The following CTDNEP1 variants were observed in gnomAD, a reference collection of about 807,000 sequenced individuals.
The protein encoded by CTDNEP1 is C-terminal domain nuclear envelope phosphatase 1.
Under a neutral mutation model 30.1 loss-of-function variants are expected in CTDNEP1, and 3 were observed. The ratio of observed to expected loss-of-function variants is 0.10; its 90% confidence interval spans 0.05 to 0.26. The LOEUF is 0.26. CTDNEP1 is among the 10% of genes least tolerant of loss of function. CTDNEP1 has a pLI of 1.00. For missense variants in CTDNEP1, 158 were observed against 310.4 expected, an observed-to-expected ratio of 0.51 and a Z score of 3.69; for synonymous variants, 123 against 118.8, an observed-to-expected ratio of 1.04 and a Z score of -0.23.
At position 7,246,890 on chromosome 17, in the gene CTDNEP1, A is replaced by AT; in HGVS notation, c.289-29dup. 6.3e-7 allele frequency: 1 copy of AT among 1,599,512 alleles called. No individual in the cohort carries two copies. Among genetic ancestry groups the AT allele is most frequent in the Non-Finnish European group, 8.6e-7 (1 of 1,166,972 alleles). ...ACAGAGGAACAAGATGGGCTGGGGG[A>AT]TGTCATGACCACCACAACCCAGGCC... is the stretch of plus-strand genomic sequence containing the variant. On this transcript the variant is annotated intron_variant, in intron 3 of 7. Coordinates refer to ENST00000574322, the MANE Select transcript of CTDNEP1 (RefSeq NM_001143775.2). The surrounding 1 kb of genome is among the most constrained non-coding windows in gnomAD (Gnocchi z 4.9).
Position 7,247,255 on chromosome 17 carries a change from A to T in CTDNEP1, c.169+22T>A, listed in dbSNP as rs73235891. 3 of 1,613,104 alleles carry T rather than the reference A, an allele frequency of 1.9e-6. No homozygotes were observed. The African/African-American group carries it at 4.0e-5, about 22-fold the overall frequency. On this transcript the variant is annotated intron_variant, in intron 2 of 7. Coordinates refer to ENST00000574322, the MANE Select transcript of CTDNEP1 (RefSeq NM_001143775.2). ...GCTAGCCCCTACTTCACCCTAAAGG[A>T]GGCTTCCCACCACATACTTACCTAG... is the stretch of plus-strand genomic sequence containing the variant.
chr17:7,244,617 T>C lies in CTDNEP1; in HGVS notation c.608A>G (p.Lys203Arg). 6.2e-7 allele frequency: 1 copy of C among 1,612,560 alleles called. No individual in the cohort carries two copies. Among genetic ancestry groups the C allele is most frequent in the South Asian group, 1.1e-5 (1 of 90,788 alleles). Residue 203 changes from lysine to arginine, a missense_variant, in exon 7 of 8, where the codon AAA becomes AGA. This residue lies in a region of CTDNEP1 where 96 missense variants were observed against 229.1 expected (regional missense o/e 0.42). Coordinates refer to ENST00000574322, the MANE Select transcript of CTDNEP1 (RefSeq NM_001143775.2). Reference protein sequence around the residue: ...RSHPDNAIPIKSWFSDPSDTA... With the variant: ...RSHPDNAIPIRSWFSDPSDTA... Reference sequence around the variant, plus strand: ...GTCGCTGGGGTCACTGAACCAGGATTTGATGGGGATGGCATTGTCTAGGGT... The same window carrying C: ...GTCGCTGGGGTCACTGAACCAGGATCTGATGGGGATGGCATTGTCTAGGGT...
chr17:7,248,162 G>A (rs1195154630), intron 1 of CTDNEP1, among the ~76,000 whole-genome samples: 1 of 146,282 alleles, frequency 6.8e-6, no homozygotes, highest in East Asian at 2.2e-4. Flanking sequence ...TCGGGAGGCT[G>A]AGGCAGCAGA....
Position 7,246,880 on chromosome 17 carries a change from G to T in CTDNEP1, c.289-18C>A. 6.2e-7 allele frequency: 1 copy of T among 1,610,432 alleles called. No homozygotes were observed. Among genetic ancestry groups the T allele is most frequent in the Non-Finnish European group, 8.5e-7 (1 of 1,176,782 alleles). On this transcript the variant is annotated intron_variant, in intron 3 of 7. Coordinates refer to ENST00000574322, the MANE Select transcript of CTDNEP1 (RefSeq NM_001143775.2). This position sits in a 1 kb window ranked among gnomAD's most constrained non-coding sequence, Gnocchi z 4.9. Reference sequence around the variant, plus strand: ...ATTACCACCTACAGAGGAACAAGATGGGCTGGGGGATGTCATGACCACCAC... The same window carrying T: ...ATTACCACCTACAGAGGAACAAGATTGGCTGGGGGATGTCATGACCACCAC...
chr17:7,246,930 C>A lies in CTDNEP1; in HGVS notation c.289-68G>T, dbSNP rs1342208709. On this transcript the variant is annotated intron_variant, in intron 3 of 7. Coordinates refer to ENST00000574322, the MANE Select transcript of CTDNEP1 (RefSeq NM_001143775.2). This position sits in a 1 kb window ranked among gnomAD's most constrained non-coding sequence, Gnocchi z 4.9. The stretch of plus-strand genomic sequence containing the variant: ...CAACCCAGGCCTAGAAAACGCCCCA[C>A]CCATCTGCTTCCCTCCTCCAGGCTG... The A allele has an allele frequency of 1.4e-6, 2 of 1,477,456 alleles. No individual in the cohort carries two copies. Among genetic ancestry groups the A allele is most frequent in the East Asian group, 4.5e-5 (2 of 44,218 alleles). 91.5% of individuals were successfully genotyped at this position (1,477,456 alleles called of 1,614,324 possible). A position where few individuals can be genotyped will look rare whatever the true frequency, so the allele number is the denominator to read the frequency against.
In CTDNEP1 at chr17:7,246,608, T is replaced by C; in HGVS notation, c.360+183A>G. The C allele has an allele frequency of 1.5e-6, 1 of 676,648 alleles. No individual in the cohort carries two copies. The allele number at this position is 676,648 out of a possible 1,614,324, so 41.9% of individuals were successfully genotyped here. On this transcript the variant is annotated intron_variant, in intron 4 of 7. Coordinates refer to ENST00000574322, the MANE Select transcript of CTDNEP1 (RefSeq NM_001143775.2). This position sits in a 1 kb window ranked among gnomAD's most constrained non-coding sequence, Gnocchi z 4.9. ...AGAGAAAGATGCCAGCGGAAAAGAA[T>C]TACATCAGCACAACAAATGAACCCC...
chr17:7,250,845 C>A (rs948267625), intron 1 of CTDNEP1, among the ~76,000 whole-genome samples: 3 of 152,134 alleles, frequency 2.0e-5, no homozygotes, highest in Non-Finnish European at 2.9e-5. Flanking sequence ...CCCAAGCCCA[C>A]ATCCACAGAT....
chr17:7,251,524 T>G lies in CTDNEP1; in HGVS notation c.-228A>C. 3.5e-6 allele frequency: 1 copy of G among 289,308 alleles called. No homozygotes were observed. Among genetic ancestry groups the G allele is most frequent in the Non-Finnish European group, 6.1e-6 (1 of 164,426 alleles). The allele number at this position is 289,308 out of a possible 1,614,324, so 17.9% of individuals were successfully genotyped here. ...CGTGGGCAGCCCGCGGGGGCCCACA[T>G]GGGCTGGGAGTGGCACCGACGGCTT... On this transcript the variant is annotated 5_prime_UTR_variant, in exon 1 of 8. It removes an upstream start codon present in the reference 5' UTR. Transcript: ENST00000574322.
At chr17:7,248,323 C>T (rs1296134993) in intron 1 of CTDNEP1, among the ~76,000 whole-genome samples, 1 of 144,444 alleles carries the variant, frequency 6.9e-6, no homozygotes, top group African/African-American at 2.5e-5. Context: ...AGGATTGTAC[C>T]AATGCAGTTC....
chr17:7,249,747 C>T (rs1231699262), intron 1 of CTDNEP1, among the ~76,000 whole-genome samples: 1 of 152,124 alleles, frequency 6.6e-6, no homozygotes, highest in African/African-American at 2.4e-5. Context: ...CCCGTTTCTA[C>T]TAAAATTACA....
chr17:7,251,158 G>A (rs1391252749), intron 1 of CTDNEP1, 37 bp downstream of exon 1: 4 of 1,473,298 alleles, frequency 2.7e-6, no homozygotes, highest in Middle Eastern at 1.7e-4. Flanking sequence ...AACACCGCCA[G>A]ACGTCCCCAA....
At chr17:7,250,558 T>G (rs903914533) in intron 1 of CTDNEP1, among the ~76,000 whole-genome samples, 1 of 152,122 alleles carries the variant, frequency 6.6e-6, no homozygotes, top group Non-Finnish European at 1.5e-5. Flanking sequence ...TTGAACTCCC[T>G]CCCACAATTA....
chr17:7,251,575 T>C lies in CTDNEP1; in HGVS notation c.-279A>G. The stretch of plus-strand genomic sequence containing the variant: ...CGGGGAGGTTGCGGGCCGAGACAGG[T>C]AGGGCTAGGATGGGGTCCTCCGAGA... On this transcript the variant is annotated 5_prime_UTR_variant, in exon 1 of 8. Coordinates refer to ENST00000574322, the MANE Select transcript of CTDNEP1 (RefSeq NM_001143775.2). The C allele has an allele frequency of 9.3e-6, 2 of 215,530 alleles. No homozygotes were observed. The highest frequency in any genetic ancestry group is 8.2e-6 in the Non-Finnish European group (1 of 121,830). 13.4% of individuals were successfully genotyped at this position (215,530 alleles called of 1,614,324 possible). A position where few individuals can be genotyped will look rare whatever the true frequency, so the allele number is the denominator to read the frequency against.
chr17:7,251,134 G>A, intron 1 of CTDNEP1, 61 bp downstream of exon 1: 2 of 1,251,408 alleles, frequency 1.6e-6, no homozygotes, highest in Admixed American at 2.2e-5. Context: ...TGAGCACCAC[G>A]GACAGATGTC....
At position 7,246,387 on chromosome 17, in the gene CTDNEP1, GA is replaced by G; in HGVS notation, c.361-18del. Reference sequence around the variant, plus strand: ...CTGGCTCACCTGAAATAGATTGGGGGAGAGGGCGATGCCATACAAGGTGATG... The same window carrying G: ...CTGGCTCACCTGAAATAGATTGGGGGGAGGGCGATGCCATACAAGGTGATG... On this transcript the variant is annotated intron_variant, in intron 4 of 7. Coordinates refer to ENST00000574322, the MANE Select transcript of CTDNEP1 (RefSeq NM_001143775.2). This position sits in a 1 kb window ranked among gnomAD's most constrained non-coding sequence, Gnocchi z 4.9. 1.3e-6 allele frequency: 2 copies of G among 1,565,302 alleles called. No homozygotes were observed.
chr17:7,247,747 A>G (rs2071862032), intron 1 of CTDNEP1, among the ~76,000 whole-genome samples: 1 of 151,858 alleles, frequency 6.6e-6, no homozygotes, highest in Non-Finnish European at 1.5e-5. Flanking sequence ...GATTACAGGA[A>G]TGAGCCACTA....
rs151138336 is a variant in CTDNEP1, at chr17:7,244,568, T to A, written c.657A>T (p.Pro219=). Residue 219 remains proline (P), a synonymous_variant, in exon 7 of 8, where the codon CCA becomes CCT. Coordinates refer to ENST00000574322, the MANE Select transcript of CTDNEP1 (RefSeq NM_001143775.2). The part of the protein sequence containing the change: ...PSDTALLNLL[P]MLDALRFTAD... ...TCCCTTACCTGAGGGCATCCAGCAT[T>A]GGGAGCAGGTTGAGAAGGGCTGTGT... is the stretch of plus-strand genomic sequence containing the variant. 148 of 1,613,852 alleles carry A rather than the reference T, an allele frequency of 9.2e-5. No homozygotes were observed. Among genetic ancestry groups the A allele is most frequent in the Middle Eastern group, 3.3e-4 (2 of 6,082 alleles).
At chr17:7,250,320 A>C (rs2071897604) in intron 1 of CTDNEP1, among the ~76,000 whole-genome samples, 1 of 152,200 alleles carries the variant, frequency 6.6e-6, no homozygotes, top group African/African-American at 2.4e-5. Flanking sequence ...TGGTGGTGAG[A>C]CCACAAGAGC....
Position 7,244,058 on chromosome 17 carries a change from C to G in CTDNEP1, c.*127G>C. On this transcript the variant is annotated 3_prime_UTR_variant, in exon 8 of 8. Transcript: ENST00000574322. ...CAAGTGGAGTGTAGGGCTCCCAGGG[C>G]AGAGAGGGGTGGGAGGGGCAGACCC... 1.3e-6 allele frequency: 2 copies of G among 1,492,842 alleles called. No individual in the cohort carries two copies. The highest frequency in any genetic ancestry group is 1.8e-6 in the Non-Finnish European group (2 of 1,117,412). The allele number at this position is 1,492,842 out of a possible 1,614,324, so 92.5% of individuals were successfully genotyped here. A position where few individuals can be genotyped will look rare whatever the true frequency, so the allele number is the denominator to read the frequency against.
Sources: gnomAD v4.1 joint callset for allele counts (sites outside exome capture counted in the v4.1 genomes callset) on GRCh38, gnomAD v4.1.1 for gene constraint, gnomAD v4.1.1 regional missense constraint, Gnocchi (gnomAD v3.1) non-coding constraint, MANE v1.5 for transcripts, NCBI Gene and HGNC (gene_info 2026-07-23, HGNC 2026-07-21) for gene names.